ASIP: variants seen among roughly 807,000 people sequenced by gnomAD.
The protein encoded by ASIP is agouti signaling protein, also known as agouti-signaling protein.
A neutral mutation model predicts 10.3 loss-of-function variants in ASIP; 11 were observed. That is an observed-to-expected ratio of 1.07 (90% CI 0.68 to 1.78). The LOEUF is 1.78. ASIP is among the 40% of genes most tolerant of loss of function. ASIP has a pLI of 0.00. For synonymous variants in ASIP, 70 were observed against 70.8 expected, an observed-to-expected ratio of 0.99 and a Z score of 0.06; for missense variants, 180 against 169.2, an observed-to-expected ratio of 1.06 and a Z score of -0.35.
chr20:34,266,970 G>A (rs1023815333), intron 3 of ASIP, among the ~76,000 whole-genome samples: 1 of 152,132 alleles, frequency 6.6e-6, no homozygotes, highest in African/African-American at 2.4e-5. Flanking sequence ...AGGAGCACTG[G>A]ATTAGGTATT....
intron 3 of ASIP, among the ~76,000 whole-genome samples, chr20:34,268,322 C>A (rs2035823345): frequency 6.6e-6 from 1 of 152,124 alleles, no homozygotes; most frequent in Non-Finnish European, 1.5e-5. Context: ...CTGCTGCGTT[C>A]GGTGCACAGC....
chr20:34,255,921 C>G (rs1481057557), intron 1 of ASIP, among the ~76,000 whole-genome samples: 2 of 152,156 alleles, frequency 1.3e-5, no homozygotes, highest in African/African-American at 4.8e-5. Flanking sequence ...TTAGAGAAGA[C>G]TCTGCTCCAC....
chr20:34,221,207 T>A (rs1359877047), intron 1 of ASIP, among the ~76,000 whole-genome samples: 1 of 151,806 alleles, frequency 6.6e-6, no homozygotes, highest in African/African-American at 2.4e-5. Flanking sequence ...TGAAACCCCA[T>A]CTCTACTAAA....
chr20:34,233,109 C>T (rs1184105270), intron 1 of ASIP, among the ~76,000 whole-genome samples: 1 of 148,250 alleles, frequency 6.7e-6, no homozygotes, highest in Non-Finnish European at 1.5e-5. Context: ...CAACATTTTT[C>T]ATCTGGAAGA....
chr20:34,210,270 C>A (rs2034965751), intron 1 of ASIP, among the ~76,000 whole-genome samples: 1 of 152,228 alleles, frequency 6.6e-6, no homozygotes, highest in African/African-American at 2.4e-5. Flanking sequence ...CTTTGGGGAG[C>A]CCAGACCTGG....
chr20:34,249,385 C>A (rs1321781692), intron 1 of ASIP, among the ~76,000 whole-genome samples: 2 of 151,390 alleles, frequency 1.3e-5, no homozygotes, highest in Non-Finnish European at 2.9e-5. Context: ...AAGGTGATGT[C>A]TATAAGCAGT....
intron 1 of ASIP, among the ~76,000 whole-genome samples, chr20:34,203,201 G>T (rs891798244): frequency 5.3e-5 from 8 of 151,914 alleles, no homozygotes; most frequent in Non-Finnish European, 1.0e-4. Flanking sequence ...CATTAAATCT[G>T]TCCATCAATT....
intron 1 of ASIP, among the ~76,000 whole-genome samples, chr20:34,198,423 TTCCTGGGC>T (rs1449258211): frequency 1.1e-4 from 16 of 152,130 alleles, no homozygotes; most frequent in African/African-American, 3.6e-4. Flanking sequence ...ATCTTCCATT[TTCCTGGGC>T]TCCTAAATGG....
intron 1 of ASIP, among the ~76,000 whole-genome samples, chr20:34,201,045 T>TTTCC (rs2034894969): frequency 8.2e-6 from 1 of 122,206 alleles, no homozygotes; most frequent in African/African-American, 3.2e-5. Context: ...TCTTTCTTTC[T>TTTCC]TTCTTTCTTT....
intron 1 of ASIP, among the ~76,000 whole-genome samples, chr20:34,245,533 G>A (rs1307294562): frequency 9.2e-5 from 14 of 151,390 alleles, no homozygotes; most frequent in African/African-American, 3.4e-4. Context: ...GACTACAGGT[G>A]TGCGCCACCA....
chr20:34,255,750 C>T (rs181444272), intron 1 of ASIP, among the ~76,000 whole-genome samples: 5 of 152,178 alleles, frequency 3.3e-5, no homozygotes, highest in African/African-American at 1.2e-4. Flanking sequence ...CTGTTACGCC[C>T]GGACAGGGCC....
In ASIP at chr20:34,235,846, A is replaced by AAAGG. The variant is rs1568756058; in HGVS notation, c.-10-24518_-10-24517insAGGA. ...GAAAGAAAGAAAGAAAGAAAGAAGGAAGGAAGGAAGGAAGGAAGGAAAGGA... is the reference window on the plus strand; with the variant it reads ...GAAAGAAAGAAAGAAAGAAAGAAGGAAAGGAGGAAGGAAGGAAGGAAGGAAAGGA... On this transcript the variant is annotated intron_variant, in intron 1 of 3. Coordinates refer to the ASIP transcript ENST00000568305. 1.5e-4 allele frequency among the ~76,000 whole-genome samples: 7 copies of AAAGG among 45,580 alleles called. No individual in the cohort carries two copies. The East Asian group carries it at 4.8e-3, about 31-fold the overall frequency. The allele number at this position is 45,580 out of a possible 152,430, so 29.9% of individuals were successfully genotyped here. A position where few individuals can be genotyped will look rare whatever the true frequency, so the allele number is the denominator to read the frequency against.
intron 1 of ASIP, among the ~76,000 whole-genome samples, chr20:34,209,498 C>T (rs1015315685): frequency 6.6e-6 from 1 of 152,234 alleles, no homozygotes; most frequent in East Asian, 1.9e-4. Flanking sequence ...TCTCTGCACT[C>T]TTGGCAGCCT....
chr20:34,188,965 T>A, the ASIP span, among the ~76,000 whole-genome samples: 13 of 152,184 alleles, frequency 8.5e-5, no homozygotes, highest in Non-Finnish European at 1.6e-4. Context: ...GGCTCTGAGA[T>A]CTTTAACCTA....
chr20:34,260,392 A>C lies in ASIP; in HGVS notation c.18A>C (p.Leu6Phe), dbSNP rs771410621. 5 of 1,613,134 alleles carry C rather than the reference A, an allele frequency of 3.1e-6. No individual in the cohort carries two copies. The highest frequency in any genetic ancestry group is 4.2e-6 in the Non-Finnish European group (5 of 1,179,592). Residue 6 changes from leucine to phenylalanine, a missense_variant, in exon 2 of 4, where the codon TTA (leucine) becomes TTC (phenylalanine). By Grantham distance (22) the Leu-to-Phe change is conservative (BLOSUM62 0). Coordinates refer to ENST00000374954, the MANE Select transcript of ASIP (RefSeq NM_001672.3). ...CTCCTGGGATGGATGTCACCCGCTT[A>C]CTCCTGGCCACCCTGCTGGTCTTCC... MDVTR[L>F]LLATLLVFLC...
intron 1 of ASIP, among the ~76,000 whole-genome samples, chr20:34,256,668 G>A (rs1156319251): frequency 6.6e-6 from 1 of 152,030 alleles, no homozygotes; most frequent in East Asian, 1.9e-4. Flanking sequence ...TACAGTTTTT[G>A]GCCCATGAGT....
chr20:34,241,139 C>T (rs1426380168), upstream of ASIP, among the ~76,000 whole-genome samples: 4 of 152,278 alleles, frequency 2.6e-5, no homozygotes, highest in Admixed American at 1.3e-4. Flanking sequence ...TTTCTTCTGC[C>T]GCCTATAGAG....
rs1013846771 is a variant in ASIP at position 34,205,243 on chromosome 20, C to G, written c.-11+10483C>G. Among the ~76,000 whole-genome samples the G allele has an allele frequency of 4.6e-5, 7 of 152,340 alleles. 1 individual carries two copies. The highest frequency in any genetic ancestry group is 6.5e-5 in the Admixed American group (1 of 15,306). ...GGTCTTGCCGACTTCAGGAGTGAAGCTGCAGACCTTCACAGTGAGTGTTAC... is the reference window on the plus strand; with the variant it reads ...GGTCTTGCCGACTTCAGGAGTGAAGGTGCAGACCTTCACAGTGAGTGTTAC... On this transcript the variant is annotated intron_variant, in intron 1 of 3. Transcript: ENST00000568305.
chr20:34,246,618 G>A, intron 1 of ASIP: 1 of 635,568 alleles, frequency 1.6e-6, no homozygotes, highest in East Asian at 3.0e-5. Context: ...CACCATGCCT[G>A]ACTAATTTTT....
Sources: gnomAD v4.1 joint callset for allele counts (sites outside exome capture counted in the v4.1 genomes callset) on GRCh38, gnomAD v4.1.1 for gene constraint, MANE v1.5 for transcripts, NCBI Gene and HGNC (gene_info 2026-07-23, HGNC 2026-07-21) for gene names.